The following ROBO1 variants were observed in gnomAD, a reference collection of about 807,000 sequenced individuals.
ROBO1 encodes the protein roundabout guidance receptor 1, also known as roundabout homolog 1.
In ROBO1, 149 loss-of-function variants were observed where a neutral mutation model predicts 195.9. The observed-to-expected ratio is 0.76, with a 90% CI of 0.67 to 0.87. The LOEUF (loss-of-function observed/expected upper bound fraction) is 0.87. Among genes scored for constraint, ROBO1 ranks in the 40% least tolerant of loss-of-function variants. ROBO1 has a pLI of 0.00. For synonymous variants in ROBO1, 816 were observed against 733.2 expected (o/e 1.11, Z -1.82); for missense variants, 1,933 against 2,068.3 (o/e 0.93, Z 1.27).
At chr3:78,617,551 C>T (rs545501302) in intron 27 of ROBO1, 84 bp downstream of exon 27, 11 of 1,365,884 alleles carry the variant, frequency 8.1e-6, no homozygotes, top group South Asian at 7.5e-5. Flanking sequence ...TCAAATAGGA[C>T]GTAAGATCAT....
intron 3 of ROBO1, among the ~76,000 whole-genome samples, chr3:78,993,799 T>C (rs1445569696): frequency 1.3e-5 from 2 of 152,212 alleles, no homozygotes; most frequent in African/African-American, 4.8e-5. Flanking sequence ...ATTCTACTTC[T>C]GTAAAAACAA....
In ROBO1 at chr3:79,744,713, C is replaced by T. The variant is rs182344428; in HGVS notation, c.-51+23039G>A. ...ATAGAAGGCCAAGGTGACTAAGATA[C>T]CTGATCTCAAGAATAACTTATACTC... On this transcript the variant is annotated intron_variant, in intron 1 of 30. Coordinates refer to ENST00000464233, the MANE Select transcript of ROBO1 (RefSeq NM_002941.4). Among the ~76,000 whole-genome samples the T allele has an allele frequency of 7.7e-3, 1,177 of 152,158 alleles. 19 individuals are homozygous for T. Among genetic ancestry groups the T allele is most frequent in the Non-Finnish European group, 7.9e-3 (537 of 68,008 alleles).
intron 3 of ROBO1, among the ~76,000 whole-genome samples, chr3:79,023,789 G>T (rs1261961043): frequency 7.9e-6 from 1 of 127,280 alleles, no homozygotes; most frequent in Admixed American, 1.0e-4. Flanking sequence ...TGCAACCTCC[G>T]CCTCCCATGT....
intron 2 of ROBO1, among the ~76,000 whole-genome samples, chr3:79,214,114 A>G (rs2082013325): frequency 6.6e-6 from 1 of 151,838 alleles, no homozygotes; most frequent in African/African-American, 2.4e-5. Flanking sequence ...TCCACTTCTT[A>G]TATTGTCACA....
At chr3:79,529,867 TAATA>T (rs1248808086) in intron 2 of ROBO1, among the ~76,000 whole-genome samples, 2 of 152,228 alleles carry the variant, frequency 1.3e-5, no homozygotes, top group African/African-American at 4.8e-5. Context: ...AATTAGAATG[TAATA>T]AATAAATGTA....
At chr3:78,938,968 A>G (rs2039973720) in intron 3 of ROBO1, 41 bp from the exon 4 acceptor site, 1 of 1,512,158 alleles carries the variant, frequency 6.6e-7, no homozygotes, top group Non-Finnish European at 9.0e-7. Context: ...TATCACTTGA[A>G]AACAGTTAAT....
intron 8 of ROBO1, among the ~76,000 whole-genome samples, chr3:78,704,558 A>C (rs2107965525): frequency 6.6e-6 from 1 of 151,328 alleles, no homozygotes; most frequent in South Asian, 2.1e-4. Flanking sequence ...ATTTTACAAT[A>C]TGAAATAATT....
chr3:78,812,843 A>G (rs2084783195), intron 4 of ROBO1, among the ~76,000 whole-genome samples: 1 of 152,270 alleles, frequency 6.6e-6, no homozygotes, highest in South Asian at 2.1e-4. Flanking sequence ...TGCTAAAATA[A>G]GCTAAAATCC....
At chr3:79,583,662 G>C (rs1943727955) in intron 2 of ROBO1, among the ~76,000 whole-genome samples, 2 of 151,856 alleles carry the variant, frequency 1.3e-5, no homozygotes, top group Non-Finnish European at 2.9e-5. Flanking sequence ...CATAAATTAA[G>C]AGACATTTGG....
chr3:79,158,651 T>G (rs556382201), intron 2 of ROBO1, among the ~76,000 whole-genome samples: 1 of 151,974 alleles, frequency 6.6e-6, no homozygotes, highest in East Asian at 1.9e-4. Context: ...TTAATTTTTT[T>G]CAAGATAATA....
intron 10 of ROBO1, among the ~76,000 whole-genome samples, chr3:78,671,994 T>A (rs1013234690): frequency 6.6e-6 from 1 of 152,164 alleles, no homozygotes; most frequent in Non-Finnish European, 1.5e-5. Context: ...TTAACAAAAA[T>A]AAAGCAATAA....
chr3:79,178,419 C>T (rs952103474), intron 2 of ROBO1, among the ~76,000 whole-genome samples: 4 of 152,266 alleles, frequency 2.6e-5, no homozygotes, highest in South Asian at 2.1e-4. Flanking sequence ...GGAATTAGTA[C>T]CCTGGGCTCT....
chr3:78,754,050 C>T (rs1331566218), intron 4 of ROBO1, among the ~76,000 whole-genome samples: 1 of 152,124 alleles, frequency 6.6e-6, no homozygotes, highest in East Asian at 1.9e-4. Flanking sequence ...TTTCACTATT[C>T]TGTGATTTTA....
At chr3:78,904,799 T>C (rs1292503441) in intron 4 of ROBO1, among the ~76,000 whole-genome samples, 3 of 151,628 alleles carry the variant, frequency 2.0e-5, no homozygotes, top group South Asian at 4.2e-4. Context: ...TTTGCTGATA[T>C]TGGAATTCAG....
intron 2 of ROBO1, among the ~76,000 whole-genome samples, chr3:79,205,289 C>CTCTAGA (rs2081846702): frequency 6.6e-6 from 1 of 152,074 alleles, no homozygotes; most frequent in Non-Finnish European, 1.5e-5. Flanking sequence ...CCACCATGTC[C>CTCTAGA]GGCCTCTAGA....
At chr3:79,167,330 G>A (rs530903493) in intron 2 of ROBO1, among the ~76,000 whole-genome samples, 1 of 152,204 alleles carries the variant, frequency 6.6e-6, no homozygotes, top group East Asian at 1.9e-4. Context: ...TTGCAAGGCA[G>A]CAATTTCTTC....
At chr3:79,258,450 G>C (rs2082878135) in intron 2 of ROBO1, among the ~76,000 whole-genome samples, 1 of 152,044 alleles carries the variant, frequency 6.6e-6, no homozygotes, top group East Asian at 1.9e-4. Context: ...TTTGTGTTCT[G>C]CTTTTTCCTT....
chr3:79,362,756 T>C (rs567772706), intron 2 of ROBO1, among the ~76,000 whole-genome samples: 6 of 152,062 alleles, frequency 3.9e-5, no homozygotes. Context: ...AGGGAAAAAA[T>C]CTAGGCAAAA....
At chr3:78,964,977 C>T (rs928670998) in intron 3 of ROBO1, among the ~76,000 whole-genome samples, 14 of 151,544 alleles carry the variant, frequency 9.2e-5, no homozygotes, top group South Asian at 2.1e-4. Context: ...CTATGTTTCA[C>T]TCTGAGAACG....
Sources: allele counts gnomAD v4.1 joint callset (sites outside exome capture counted in the v4.1 genomes callset), GRCh38; gene constraint gnomAD v4.1.1; transcripts MANE v1.5; gene names NCBI Gene and HGNC (gene_info 2026-07-23, HGNC 2026-07-21).